Variants in EXPH5 observed in about 807,000 individuals in gnomAD.
EXPH5 encodes exophilin 5, also known as exophilin-5.
In EXPH5, 42 loss-of-function variants were observed where a neutral mutation model predicts 41.1. The observed-to-expected ratio is 1.02, with a 90% CI of 0.80 to 1.32. The LOEUF (loss-of-function observed/expected upper bound fraction) is 1.32. Ranked by LOEUF, EXPH5 falls within the 40% of genes most tolerant of loss-of-function variation. The probability of loss-of-function intolerance (pLI) is 0.00; values close to 1 mark genes in which losing one functional copy is unlikely to be tolerated. For synonymous variants in EXPH5, 798 were observed against 833.5 expected (o/e 0.96, Z 0.73); for missense variants, 2,298 against 2,314.5 (o/e 0.99, Z 0.15).
chr11:108,601,875 C>T, the EXPH5 span, among the ~76,000 whole-genome samples: 9 of 152,050 alleles, frequency 5.9e-5, no homozygotes, highest in Non-Finnish European at 8.8e-5. Context: ...CAGCCTCCCA[C>T]GTCGCTGGGT....
Position 108,511,825 on chromosome 11 carries a change from T to A in EXPH5, c.3682A>T (p.Lys1228Ter). ...GAAAACGTACTAGTCGTCTTAACTT[T>A]ATGTAATGTTTTCCCACGTTCTTTT... ...SGKERGKTLH[K>*]VKTTSTFSVS... The change falls in exon 6 of 6, where the codon AAA (lysine) becomes TAA (stop). Residue 1228 changes from lysine to a stop codon, truncating the protein, a stop_gained. Coordinates refer to ENST00000265843, the MANE Select transcript of EXPH5 (RefSeq NM_015065.3). LOFTEE classifies it low-confidence loss of function (END_TRUNC). The A allele has an allele frequency of 6.3e-7, 1 of 1,597,050 alleles. No homozygotes were observed. Among genetic ancestry groups the A allele is most frequent in the Non-Finnish European group, 8.5e-7 (1 of 1,175,484 alleles).
chr11:108,518,362 T>C lies in EXPH5; in HGVS notation c.504A>G (p.Ile168Met). 1.2e-6 allele frequency: 2 copies of C among 1,613,282 alleles called. No homozygotes were observed. Among genetic ancestry groups the C allele is most frequent in the Non-Finnish European group, 1.7e-6 (2 of 1,179,782 alleles). Reference protein sequence around the residue: ...PVRGAAVQAKIYNSPLENHLV... With the variant: ...PVRGAAVQAKMYNSPLENHLV... ...GATGATTTTCCAGAGGTGAATTGTATATTTTTGCCTGCTAATTTTAAAGCA... is the reference window on the plus strand; with the variant it reads ...GATGATTTTCCAGAGGTGAATTGTACATTTTTGCCTGCTAATTTTAAAGCA... The change falls in exon 5 of 6, where the codon ATA (isoleucine) becomes ATG (methionine). Residue 168 changes from isoleucine (I) to methionine (M), a missense_variant. Transcript: ENST00000265843.
At position 108,505,599 on chromosome 11, in the gene EXPH5, A is replaced by G. The variant is rs570474949; in HGVS notation, c.*3938T>C. On this transcript the variant is annotated 3_prime_UTR_variant, in exon 6 of 6. Coordinates refer to ENST00000265843, the MANE Select transcript of EXPH5 (RefSeq NM_015065.3). ...AGCTTATTTGTTTCAGATATACAGAACTGCCAGTCACAAAGAGCCACTAAG... is the reference window on the plus strand; with the variant it reads ...AGCTTATTTGTTTCAGATATACAGAGCTGCCAGTCACAAAGAGCCACTAAG... The G allele has an allele frequency of 2.6e-5, 4 of 152,308 alleles. No homozygotes were observed. The East Asian group carries it at 7.7e-4, about 29-fold the overall frequency. 9.4% of individuals were successfully genotyped at this position (152,308 alleles called of 1,614,324 possible). A position where few individuals can be genotyped will look rare whatever the true frequency, so the allele number is the denominator to read the frequency against.
At chr11:108,573,894 TTTTATTTA>T (rs1224717096) in intron 1 of EXPH5, among the ~76,000 whole-genome samples, 2 of 151,812 alleles carry the variant, frequency 1.3e-5, no homozygotes, top group African/African-American at 2.4e-5. Context: ...AAAGATTTTA[TTTTATTTA>T]TTTATTTATT....
In EXPH5 at chr11:108,512,921, T is replaced by A; in HGVS notation, c.2586A>T (p.Ser862=). The A allele has an allele frequency of 6.2e-7, 1 of 1,613,284 alleles. No individual in the cohort carries two copies. Among genetic ancestry groups the A allele is most frequent in the Non-Finnish European group, 8.5e-7 (1 of 1,179,534 alleles). ...ALTDTQNAQY[S]KCKLTPGHKT... ...TGTGGCCAGGAGTTAACTTGCATTTTGAGTATTGTGCATTTTGAGTATCAG... is the reference window on the plus strand; with the variant it reads ...TGTGGCCAGGAGTTAACTTGCATTTAGAGTATTGTGCATTTTGAGTATCAG... The change falls in exon 6 of 6, where the codon TCA becomes TCT. Residue 862 remains serine, a synonymous_variant. Transcript: ENST00000265843.
intron 1 of EXPH5, among the ~76,000 whole-genome samples, chr11:108,547,375 G>A (rs2136047535): frequency 6.6e-6 from 1 of 151,862 alleles, no homozygotes; most frequent in East Asian, 1.9e-4. Context: ...TTTATTTTTT[G>A]TAGAGATGGA....
intron 1 of EXPH5, among the ~76,000 whole-genome samples, chr11:108,542,432 T>A (rs763313877): frequency 6.6e-6 from 1 of 152,178 alleles, no homozygotes; most frequent in Non-Finnish European, 1.5e-5. Context: ...GAGGACAACC[T>A]GGATTAAGCA....
chr11:108,532,165 C>T (rs528554105), intron 3 of EXPH5, among the ~76,000 whole-genome samples: 44 of 149,894 alleles, frequency 2.9e-4, no homozygotes, highest in African/African-American at 1.1e-3. Flanking sequence ...GTCCTAGATC[C>T]CTTCTGCCAT....
intron 1 of EXPH5, among the ~76,000 whole-genome samples, chr11:108,583,774 T>A (rs1383877463): frequency 6.6e-6 from 1 of 152,164 alleles, no homozygotes; most frequent in Non-Finnish European, 1.5e-5. Flanking sequence ...AAGTACAATG[T>A]CAATACTCCT....
intron 1 of EXPH5, among the ~76,000 whole-genome samples, chr11:108,568,339 A>AC (rs1317950446): frequency 6.6e-6 from 1 of 152,122 alleles, no homozygotes; most frequent in Non-Finnish European, 1.5e-5. Context: ...CAGGCTGCTC[A>AC]CCATGGCTGG....
rs117196299 is a variant in EXPH5, at chr11:108,558,846, G to A, written c.120-17034C>T. On this transcript the variant is annotated intron_variant, in intron 1 of 5. Coordinates refer to ENST00000265843, the MANE Select transcript of EXPH5 (RefSeq NM_015065.3). Reference sequence around the variant, plus strand: ...TCATGTGACAGCTATGATGCTGGGCGCTTCCACCTAGATTATTTCATTTAA... The same window carrying A: ...TCATGTGACAGCTATGATGCTGGGCACTTCCACCTAGATTATTTCATTTAA... 3.7e-4 allele frequency among the ~76,000 whole-genome samples: 56 copies of A among 152,304 alleles called. No individual in the cohort carries two copies. The East Asian group carries it at 0.011, about 29-fold the overall frequency.
At chr11:108,587,448 T>C (rs2094116570) in intron 1 of EXPH5, among the ~76,000 whole-genome samples, 1 of 152,238 alleles carries the variant, frequency 6.6e-6, no homozygotes, top group African/African-American at 2.4e-5. Context: ...TCCATTTGAC[T>C]AGGTATTGAG....
rs368075126 is a variant in EXPH5, at chr11:108,512,007, T to C, written c.3500A>G (p.Asp1167Gly). ...WERIISPVES[D>G]SSVRDCSLTK... ...TAAAGAACAATCTCTAACAGATGAG[T>C]CACTTTCCACAGGGCTAATGATTCT... The change falls in exon 6 of 6, where the codon GAC becomes GGC. Residue 1167 changes from aspartate (D) to glycine (G), a missense_variant. Physicochemically the swap from Asp to Gly is moderately conservative, Grantham distance 94. Coordinates refer to ENST00000265843, the MANE Select transcript of EXPH5 (RefSeq NM_015065.3). 2 of 1,592,430 alleles carry C rather than the reference T, an allele frequency of 1.3e-6. No individual in the cohort carries two copies. Among genetic ancestry groups the C allele is most frequent in the African/African-American group, 2.7e-5 (2 of 73,650 alleles).
intron 1 of EXPH5, among the ~76,000 whole-genome samples, chr11:108,557,073 C>T (rs557858772): frequency 1.3e-5 from 2 of 152,254 alleles, no homozygotes; most frequent in Non-Finnish European, 2.9e-5. Flanking sequence ...CATGGCTATG[C>T]CTTTGTGCCA....
chr11:108,597,994 T>G (rs373231445), upstream of EXPH5, among the ~76,000 whole-genome samples: 11 of 152,234 alleles, frequency 7.2e-5, no homozygotes, highest in South Asian at 2.3e-3. Context: ...TAGCTTCTAA[T>G]GCATAGAGGT....
upstream of EXPH5, chr11:108,593,881 C>A: frequency 1.3e-6 from 1 of 777,826 alleles, no homozygotes; most frequent in Non-Finnish European, 2.1e-6. Context: ...CTCCCTCGTC[C>A]CCTCCGGTCA....
chr11:108,585,303 T>TC (rs34218827), intron 1 of EXPH5, among the ~76,000 whole-genome samples: 2 of 152,152 alleles, frequency 1.3e-5, no homozygotes, highest in Non-Finnish European at 2.9e-5. Flanking sequence ...AAAGTATGTG[T>TC]CCCCCCAGAA....
chr11:108,534,996 T>G (rs1273938121), intron 3 of EXPH5, among the ~76,000 whole-genome samples: 4 of 152,224 alleles, frequency 2.6e-5, no homozygotes, highest in African/African-American at 2.4e-5. Flanking sequence ...TTCACTGTTT[T>G]GTTTCCAGCA....
In EXPH5 at chr11:108,576,890, C is replaced by T. The variant is rs116613029; in HGVS notation, c.119+16528G>A. On this transcript the variant is annotated intron_variant, in intron 1 of 5. Transcript: ENST00000265843. The stretch of plus-strand genomic sequence containing the variant: ...AGTCCTTTTCATCCTCCCTTCCCCA[C>T]TACCTTTCCCAGCCTCTTGTAATCA... 1.8e-3 allele frequency among the ~76,000 whole-genome samples: 270 copies of T among 152,316 alleles called. 3 individuals are homozygous for T. Among genetic ancestry groups the T allele is most frequent in the African/African-American group, 6.0e-3 (251 of 41,566 alleles).
Sources: gnomAD v4.1 joint callset for allele counts (sites outside exome capture counted in the v4.1 genomes callset) on GRCh38, gnomAD v4.1.1 for gene constraint, MANE v1.5 for transcripts, NCBI Gene and HGNC (gene_info 2026-07-23, HGNC 2026-07-21) for gene names.